Variants in CAMK1D observed in about 807,000 individuals in gnomAD.
CAMK1D encodes calcium/calmodulin dependent protein kinase ID.
CAMK1D carries 9 observed loss-of-function variants against 47.7 expected under a neutral mutation model. The ratio of observed to expected loss-of-function variants is 0.19; its 90% CI spans 0.11 to 0.33. CAMK1D has a LOEUF of 0.33. Among genes scored for constraint, CAMK1D ranks in the 10% least tolerant of loss-of-function variants. The pLI is 1.00. For missense variants in CAMK1D, 291 were observed against 488.7 expected (o/e 0.60, Z 3.81); for synonymous variants, 184 against 184.9 (o/e 0.99, Z 0.04).
intron 2 of CAMK1D, among the ~76,000 whole-genome samples, chr10:12,570,046 A>C (rs1013286130): frequency 7.9e-5 from 12 of 152,160 alleles, no homozygotes; most frequent in Admixed American, 5.2e-4. Context: ...CTAAAAATAC[A>C]AAAAGTAGCT....
At chr10:12,389,046 G>C (rs749800466) in intron 1 of CAMK1D, among the ~76,000 whole-genome samples, 4 of 152,212 alleles carry the variant, frequency 2.6e-5, no homozygotes, top group Non-Finnish European at 4.4e-5. Flanking sequence ...CTTCCTGTCC[G>C]ATCTGTCCAA....
intron 6 of CAMK1D, among the ~76,000 whole-genome samples, chr10:12,792,701 G>A (rs965769697): frequency 6.6e-6 from 1 of 152,204 alleles, no homozygotes. Context: ...AACAGTGCCT[G>A]TAGATTCTTG....
rs1833452308 is a variant in CAMK1D at position 12,833,438 on chromosome 10, A to G, written c.*4551A>G. 6.6e-6 allele frequency: 1 copy of G among 152,296 alleles called. No individual in the cohort carries two copies. The highest frequency in any genetic ancestry group is 2.4e-5 in the African/African-American group (1 of 41,474). The allele number at this position is 152,296 out of a possible 1,614,324, so 9.4% of individuals were successfully genotyped here. On this transcript the variant is annotated 3_prime_UTR_variant, in exon 11 of 11. Coordinates refer to ENST00000619168, the MANE Select transcript of CAMK1D (RefSeq NM_153498.4). ...ATGAGCATTTTTAAACAGAAAGGAA[A>G]GATGATATCCCAGTGCAGGTAGACT...
chr10:12,739,949 C>G (rs1489566318), intron 3 of CAMK1D, among the ~76,000 whole-genome samples: 1 of 152,118 alleles, frequency 6.6e-6, no homozygotes, highest in Non-Finnish European at 1.5e-5. Context: ...TTTGAAAAGT[C>G]AAAGATTTAC....
At chr10:12,605,138 G>A (rs1227786168) in intron 2 of CAMK1D, among the ~76,000 whole-genome samples, 1 of 151,914 alleles carries the variant, frequency 6.6e-6, no homozygotes, top group Non-Finnish European at 1.5e-5. Context: ...TGCCTGCCTC[G>A]GCCTCCCAAA....
intron 4 of CAMK1D, among the ~76,000 whole-genome samples, chr10:12,766,633 AG>A (rs1180820926): frequency 2.0e-5 from 3 of 152,000 alleles, no homozygotes; most frequent in African/African-American, 7.3e-5. Flanking sequence ...TTAGAAGGGA[AG>A]CCTTGCCGAG....
intron 1 of CAMK1D, among the ~76,000 whole-genome samples, chr10:12,365,820 AGGT>A (rs1481280494): frequency 6.6e-6 from 1 of 152,050 alleles, no homozygotes; most frequent in Non-Finnish European, 1.5e-5. Context: ...TGGGAGGCTG[AGGT>A]GGACCAATCA....
chr10:12,779,321 T>C (rs1353278559), intron 5 of CAMK1D, among the ~76,000 whole-genome samples: 2 of 152,210 alleles, frequency 1.3e-5, no homozygotes, highest in Non-Finnish European at 2.9e-5. Flanking sequence ...AATTAAAATA[T>C]CTGAATCACT....
chr10:12,402,991 G>A (rs1322981598), intron 1 of CAMK1D, among the ~76,000 whole-genome samples: 1 of 152,060 alleles, frequency 6.6e-6, no homozygotes. Context: ...ACGGCTCCAG[G>A]ATTATAACCT....
At chr10:12,755,615 C>T (rs1836191354) in intron 3 of CAMK1D, among the ~76,000 whole-genome samples, 1 of 152,144 alleles carries the variant, frequency 6.6e-6, no homozygotes, top group South Asian at 2.1e-4. Flanking sequence ...TACAGTCCCA[C>T]CAACAGTGTA....
At chr10:12,378,991 G>A (rs1838267560) in intron 1 of CAMK1D, among the ~76,000 whole-genome samples, 1 of 151,952 alleles carries the variant, frequency 6.6e-6, no homozygotes, top group African/African-American at 2.4e-5. Context: ...TGTATTTTTA[G>A]TGGAGACAAG....
chr10:12,641,189 G>A (rs188524241), intron 2 of CAMK1D, among the ~76,000 whole-genome samples: 141 of 152,236 alleles, frequency 9.3e-4, no homozygotes, highest in African/African-American at 3.1e-3. Context: ...GGATTGTCTC[G>A]AACGCCTGAT....
Position 12,473,296 on chromosome 10 carries a change from G to A in CAMK1D, c.93-79929G>A, listed in dbSNP as rs566378676. Among the ~76,000 whole-genome samples the A allele has an allele frequency of 9.2e-5, 14 of 152,274 alleles. 1 individual carries two copies. The South Asian group carries it at 2.9e-3, about 32-fold the overall frequency. On this transcript the variant is annotated intron_variant, in intron 1 of 10. Transcript: ENST00000619168. Reference sequence around the variant, plus strand: ...AAAATCATAACAATAGTGAACTGAGGCTGGGTGTGGTGATGTAATTCCAGC... The same window carrying A: ...AAAATCATAACAATAGTGAACTGAGACTGGGTGTGGTGATGTAATTCCAGC...
At chr10:12,797,638 C>T (rs756990930) in intron 6 of CAMK1D, among the ~76,000 whole-genome samples, 6 of 152,116 alleles carry the variant, frequency 3.9e-5, no homozygotes, top group Admixed American at 2.6e-4. Context: ...GTTATGATTT[C>T]CAGTTGACTC....
At position 12,753,082 on chromosome 10, in the gene CAMK1D, T is replaced by C. The variant is rs139678621; in HGVS notation, c.300-7866T>C. ...TCGTGGCCAACATGGTGAAACCCCA[T>C]CTCTACTAAAAATACAAAAATTAGC... On this transcript the variant is annotated intron_variant, in intron 3 of 10. Transcript: ENST00000619168. 7.5e-3 allele frequency among the ~76,000 whole-genome samples: 1,137 copies of C among 152,062 alleles called. 17 individuals carry two copies. The highest frequency in any genetic ancestry group is 0.026 in the African/African-American group (1,081 of 41,480).
At chr10:12,616,116 G>GGGTGTGTATATGTA (rs1838805509) in intron 2 of CAMK1D, among the ~76,000 whole-genome samples, 1 of 151,942 alleles carries the variant, frequency 6.6e-6, no homozygotes, top group Non-Finnish European at 1.5e-5. Flanking sequence ...GTGTGTATGT[G>GGGTGTGTATATGTA]GGTGTGTATA....
intron 1 of CAMK1D, among the ~76,000 whole-genome samples, chr10:12,438,771 T>G (rs1437059587): frequency 1.3e-5 from 2 of 152,230 alleles, no homozygotes; most frequent in Non-Finnish European, 2.9e-5. Context: ...TTATTTCTCC[T>G]TAGAGGAAAC....
chr10:12,463,084 A>G (rs1185648264), intron 1 of CAMK1D, among the ~76,000 whole-genome samples: 2 of 152,176 alleles, frequency 1.3e-5, no homozygotes, highest in African/African-American at 2.4e-5. Flanking sequence ...CGATAACAGC[A>G]AACTTATTTC....
intron 3 of CAMK1D, among the ~76,000 whole-genome samples, chr10:12,755,245 G>C (rs939525085): frequency 6.6e-6 from 1 of 152,142 alleles, no homozygotes; most frequent in Non-Finnish European, 1.5e-5. Context: ...CCAGGAGCAG[G>C]GAGTGTGTGT....
Sources: allele counts gnomAD v4.1 joint callset (sites outside exome capture counted in the v4.1 genomes callset), GRCh38; gene constraint gnomAD v4.1.1; transcripts MANE v1.5; gene names NCBI Gene and HGNC (gene_info 2026-07-23, HGNC 2026-07-21).